Variants in NKAIN2 observed in about 807,000 individuals in gnomAD.
NKAIN2 encodes the protein sodium/potassium transporting ATPase interacting 2, also known as sodium/potassium-transporting ATPase subunit beta-1-interacting protein 2.
NKAIN2 carries 14 observed loss-of-function variants against 32.6 expected under a neutral mutation model. The observed-to-expected ratio is 0.43, with a 90% CI of 0.28 to 0.67. The LOEUF is 0.67. NKAIN2 is among the 30% of genes least tolerant of loss of function. NKAIN2 has a pLI of 0.17. For missense variants in NKAIN2, 198 were observed against 258.3 expected (o/e 0.77, Z 1.60); for synonymous variants, 80 against 87.2 (o/e 0.92, Z 0.46).
chr6:124,433,532 G>A (rs1003531651), intron 3 of NKAIN2, among the ~76,000 whole-genome samples: 5 of 152,130 alleles, frequency 3.3e-5, no homozygotes. Context: ...TTTCTGGAAG[G>A]GAGAAATGCA....
intron 1 of NKAIN2, among the ~76,000 whole-genome samples, chr6:124,163,885 G>T (rs574987698): frequency 6.6e-6 from 1 of 151,966 alleles, no homozygotes; most frequent in Admixed American, 6.6e-5. Flanking sequence ...TGATACAAAC[G>T]ATGGATTAAG....
At chr6:124,427,192 A>G (rs1775019339) in intron 3 of NKAIN2, among the ~76,000 whole-genome samples, 2 of 152,216 alleles carry the variant, frequency 1.3e-5, no homozygotes, top group South Asian at 2.1e-4. Flanking sequence ...GTGTATGACA[A>G]TATAATAAAT....
chr6:124,123,667 T>C (rs1786005263), intron 1 of NKAIN2, among the ~76,000 whole-genome samples: 1 of 152,146 alleles, frequency 6.6e-6, no homozygotes, highest in African/African-American at 2.4e-5. Flanking sequence ...ATAAAGTAGC[T>C]TCTCATTTTA....
chr6:123,978,045 T>C (rs1778718681), intron 1 of NKAIN2, among the ~76,000 whole-genome samples: 1 of 152,214 alleles, frequency 6.6e-6, no homozygotes, highest in African/African-American at 2.4e-5. Flanking sequence ...TTTAACTTAA[T>C]ACTTATCATG....
intron 3 of NKAIN2, among the ~76,000 whole-genome samples, chr6:124,380,139 C>T (rs1407523): frequency 0.6 from 91,589 of 151,994 alleles, 27,741 homozygotes; most frequent in Middle Eastern, 0.68. Context: ...GCAGCCACCG[C>T]AGCCACACTG....
At chr6:124,776,224 A>G (rs1778977087) in intron 4 of NKAIN2, among the ~76,000 whole-genome samples, 1 of 152,152 alleles carries the variant, frequency 6.6e-6, no homozygotes, top group South Asian at 2.1e-4. Flanking sequence ...ATTTTTGCAT[A>G]ACTATGGACT....
At chr6:124,174,163 A>G (rs1375744939) in intron 1 of NKAIN2, among the ~76,000 whole-genome samples, 1 of 152,190 alleles carries the variant, frequency 6.6e-6, no homozygotes, top group Non-Finnish European at 1.5e-5. Context: ...GCGAGGTGGT[A>G]CATACACTCC....
intron 3 of NKAIN2, among the ~76,000 whole-genome samples, chr6:124,458,817 C>A (rs1443871676): frequency 6.6e-6 from 1 of 151,744 alleles, no homozygotes; most frequent in African/African-American, 2.4e-5. Context: ...TAAACTTGAC[C>A]TTTCCCCTGC....
At chr6:124,727,815 C>A (rs1339674338) in intron 4 of NKAIN2, among the ~76,000 whole-genome samples, 3 of 150,408 alleles carry the variant, frequency 2.0e-5, no homozygotes, top group African/African-American at 7.3e-5. Flanking sequence ...GGAAACCCAT[C>A]TCATGTGCAG....
chr6:123,924,954 A>C (rs1775938068), intron 1 of NKAIN2, among the ~76,000 whole-genome samples: 3 of 152,118 alleles, frequency 2.0e-5, no homozygotes, highest in Admixed American at 2.0e-4. Flanking sequence ...ATGTTTGAAT[A>C]AAATATCATG....
intron 2 of NKAIN2, among the ~76,000 whole-genome samples, chr6:124,338,913 G>A (rs937956847): frequency 7.2e-5 from 11 of 152,324 alleles, no homozygotes; most frequent in Middle Eastern, 3.4e-3. Flanking sequence ...ACACTCTTCA[G>A]CATTATATTT....
intron 1 of NKAIN2, among the ~76,000 whole-genome samples, chr6:124,142,529 A>G (rs1329848348): frequency 6.6e-6 from 1 of 152,188 alleles, no homozygotes; most frequent in Non-Finnish European, 1.5e-5. Flanking sequence ...AATGCAGTGT[A>G]TTTATTGACA....
intron 1 of NKAIN2, among the ~76,000 whole-genome samples, chr6:124,087,008 A>G (rs980787002): frequency 6.6e-6 from 1 of 151,948 alleles, no homozygotes; most frequent in Non-Finnish European, 1.5e-5. Flanking sequence ...TTGAACATAG[A>G]TACAAAAATC....
At chr6:124,702,406 A>T (rs1315876288) in intron 4 of NKAIN2, among the ~76,000 whole-genome samples, 1 of 152,152 alleles carries the variant, frequency 6.6e-6, no homozygotes, top group African/African-American at 2.4e-5. Context: ...AATGATGAGT[A>T]AGCATTGTGA....
intron 1 of NKAIN2, among the ~76,000 whole-genome samples, chr6:123,948,452 T>C (rs1473977677): frequency 6.6e-6 from 1 of 151,868 alleles, no homozygotes; most frequent in Non-Finnish European, 1.5e-5. Context: ...TTTAATAAAA[T>C]AATTTTAACT....
At chr6:124,230,392 C>A (rs1408578155) in intron 1 of NKAIN2, among the ~76,000 whole-genome samples, 1 of 152,110 alleles carries the variant, frequency 6.6e-6, no homozygotes, top group Non-Finnish European at 1.5e-5. Context: ...TGATAGAAAA[C>A]CAAGTCTCAT....
chr6:124,407,695 C>A lies in NKAIN2; in HGVS notation c.273+52348C>A, dbSNP rs1267659480. Among the ~76,000 whole-genome samples, 3 of 151,890 alleles carry A rather than the reference C, an allele frequency of 2.0e-5. No homozygotes were observed. The East Asian group carries it at 5.8e-4, about 29-fold the overall frequency. On this transcript the variant is annotated intron_variant, in intron 3 of 6. Transcript: ENST00000368417. Reference sequence around the variant, plus strand: ...CTTTATAGCAGCATGATTTATAATCCTTTGGGTATATACCCAGTAATGAGA... The same window carrying A: ...CTTTATAGCAGCATGATTTATAATCATTTGGGTATATACCCAGTAATGAGA...
chr6:124,551,186 G>A (rs1780273994), intron 3 of NKAIN2, among the ~76,000 whole-genome samples: 1 of 152,180 alleles, frequency 6.6e-6, no homozygotes, highest in African/African-American at 2.4e-5. Context: ...GTAATGGTGG[G>A]CCATAAAATT....
chr6:124,728,085 T>G (rs1351723761), intron 4 of NKAIN2, among the ~76,000 whole-genome samples: 2 of 150,202 alleles, frequency 1.3e-5, no homozygotes, highest in East Asian at 4.0e-4. Context: ...ACAAAGAGAC[T>G]TAGACTCCCA....
Sources: allele counts gnomAD v4.1 joint callset (sites outside exome capture counted in the v4.1 genomes callset), GRCh38; gene constraint gnomAD v4.1.1; transcripts MANE v1.5; gene names NCBI Gene and HGNC (gene_info 2026-07-23, HGNC 2026-07-21).